DISP1: variants seen among roughly 807,000 people sequenced by gnomAD.
The protein encoded by DISP1 is dispatched RND transporter family member 1, also known as protein dispatched homolog 1.
A neutral mutation model predicts 37.3 loss-of-function variants in DISP1; 30 were observed. The observed-to-expected ratio is 0.80, with a 90% CI of 0.60 to 1.09. The LOEUF is 1.09. Ranked by LOEUF, DISP1 falls within the 50% of genes least tolerant of loss-of-function variation. The pLI is 0.00. For missense variants in DISP1, 1,598 were observed against 1,879.5 expected (o/e 0.85, Z 2.77); for synonymous variants, 634 against 690.2 (o/e 0.92, Z 1.28).
chr1:222,988,703 G>C (rs1439807240), intron 4 of DISP1, among the ~76,000 whole-genome samples: 1 of 143,150 alleles, frequency 7.0e-6, no homozygotes, highest in Non-Finnish European at 1.5e-5. Context: ...ACCCAGGCTG[G>C]AGTGCAGTGA....
At chr1:222,820,554 T>C (rs1047330836) in intron 1 of DISP1, among the ~76,000 whole-genome samples, 4 of 152,152 alleles carry the variant, frequency 2.6e-5, no homozygotes, top group African/African-American at 9.7e-5. Context: ...CCTTGGGGGA[T>C]AGAACATTAT....
chr1:222,851,471 C>T (rs538464939), intron 1 of DISP1, among the ~76,000 whole-genome samples: 2 of 152,172 alleles, frequency 1.3e-5, no homozygotes, highest in South Asian at 4.2e-4. Flanking sequence ...GATGTAGCGA[C>T]CCTTCCCTCC....
At chr1:222,959,279 C>T (rs1258241896) in intron 3 of DISP1, among the ~76,000 whole-genome samples, 1 of 152,038 alleles carries the variant, frequency 6.6e-6, no homozygotes, top group African/African-American at 2.4e-5. Flanking sequence ...TTTTATTGAA[C>T]CCTTACTATA....
chr1:222,850,748 C>T (rs534497152), intron 1 of DISP1, among the ~76,000 whole-genome samples: 1 of 152,278 alleles, frequency 6.6e-6, no homozygotes, highest in African/African-American at 2.4e-5. Context: ...CAGTTCCCTC[C>T]ATGTTCCCTC....
intron 8 of DISP1, among the ~76,000 whole-genome samples, chr1:222,997,146 A>T (rs867605448): frequency 2.0e-5 from 3 of 152,098 alleles, no homozygotes; most frequent in African/African-American, 7.2e-5. Flanking sequence ...ACAGAAAAGC[A>T]TATGCAAAGG....
intron 2 of DISP1, among the ~76,000 whole-genome samples, chr1:222,936,653 C>CATATATATGATA (rs1558339272): frequency 6.0e-4 from 20 of 33,516 alleles, no homozygotes; most frequent in African/African-American, 2.6e-3. Context: ...ATATATATAT[C>CATATATATGATA]TCTCATATAT....
chr1:222,868,818 T>G (rs1669350009), intron 1 of DISP1, among the ~76,000 whole-genome samples: 1 of 152,152 alleles, frequency 6.6e-6, no homozygotes, highest in Non-Finnish European at 1.5e-5. Context: ...GATCAAACTT[T>G]TCAATCGCCT....
intron 4 of DISP1, among the ~76,000 whole-genome samples, chr1:222,984,529 T>C (rs1450081117): frequency 6.7e-6 from 1 of 150,044 alleles, no homozygotes; most frequent in Non-Finnish European, 1.5e-5. Context: ...ATGTTATATA[T>C]AACAGGTTTA....
intron 1 of DISP1, among the ~76,000 whole-genome samples, chr1:222,883,779 T>C (rs1165840629): frequency 6.6e-6 from 1 of 152,236 alleles, no homozygotes. Flanking sequence ...TCTGGAAGTG[T>C]ACGCTGTGTA....
At chr1:222,936,484 C>G (rs1387946273) in intron 2 of DISP1, among the ~76,000 whole-genome samples, 1 of 148,614 alleles carries the variant, frequency 6.7e-6, no homozygotes, top group Non-Finnish European at 1.5e-5. Context: ...ATCATATGAA[C>G]TCTGATGACA....
chr1:223,001,868 T>A lies in DISP1; in HGVS notation c.988-517T>A, dbSNP rs537317751. ...CAAAGCAGTTCTCTAGGGAATATCA[T>A]CTTTGCTTCTAACTGTGTTGACTGA... is the stretch of plus-strand genomic sequence containing the variant. On this transcript the variant is annotated intron_variant, in intron 8 of 8. Coordinates refer to ENST00000675850, the MANE Select transcript of DISP1 (RefSeq NM_001377229.1). Among the ~76,000 whole-genome samples, 5 of 152,338 alleles carry A rather than the reference T, an allele frequency of 3.3e-5. No individual in the cohort carries two copies. In the South Asian group the frequency reaches 1.0e-3, roughly 32 times the overall value.
At chr1:222,851,551 G>A (rs1668234128) in intron 1 of DISP1, among the ~76,000 whole-genome samples, 1 of 152,142 alleles carries the variant, frequency 6.6e-6, no homozygotes, top group African/African-American at 2.4e-5. Context: ...ACAATAAAAA[G>A]TGTTACTCAG....
At position 222,939,355 on chromosome 1, in the gene DISP1, ATTTTTTTTTTT is replaced by A. The variant is rs35313341; in HGVS notation, c.-17-3435_-17-3425del. Reference sequence around the variant, plus strand: ...GTGATTCTGATTATGAAGAAAAATAATTTTTTTTTTTTTTTTTTTTTTTTTTTACTGAGGAT... The same window carrying A: ...GTGATTCTGATTATGAAGAAAAATAATTTTTTTTTTTTTTTTACTGAGGAT... On this transcript the variant is annotated intron_variant, in intron 2 of 8. Coordinates refer to ENST00000675850, the MANE Select transcript of DISP1 (RefSeq NM_001377229.1). Among the ~76,000 whole-genome samples the A allele has an allele frequency of 1.9e-3, 213 of 113,000 alleles. 4 individuals are homozygous for A. Among genetic ancestry groups the A allele is most frequent in the African/African-American group, 7.0e-3 (201 of 28,622 alleles). The allele number at this position is 113,000 out of a possible 152,430, so 74.1% of individuals were successfully genotyped here. A position where few individuals can be genotyped will look rare whatever the true frequency, so the allele number is the denominator to read the frequency against.
chr1:222,907,278 T>C (rs1671952470), intron 1 of DISP1, among the ~76,000 whole-genome samples: 1 of 152,190 alleles, frequency 6.6e-6, no homozygotes. Context: ...GAGCCCTAGG[T>C]CGTGAATGTC....
chr1:222,985,231 C>T (rs1013975409), intron 4 of DISP1, among the ~76,000 whole-genome samples: 1 of 152,206 alleles, frequency 6.6e-6, no homozygotes, highest in African/African-American at 2.4e-5. Context: ...ATTTCTTTTA[C>T]GTACATGTGC....
At chr1:222,827,265 C>T (rs1488542495) in intron 1 of DISP1, 1 of 152,054 alleles carries the variant, frequency 6.6e-6, no homozygotes, top group Non-Finnish European at 1.5e-5. Context: ...AATTTTTATT[C>T]TGTAAATGTA....
intron 1 of DISP1, among the ~76,000 whole-genome samples, chr1:222,888,812 A>G (rs1670783615): frequency 6.8e-6 from 1 of 146,776 alleles, no homozygotes; most frequent in Non-Finnish European, 1.5e-5. Context: ...TGGCTTTGTC[A>G]GTTGTGTGTG....
chr1:222,885,466 T>C (rs1320707099), intron 1 of DISP1, among the ~76,000 whole-genome samples: 3 of 150,548 alleles, frequency 2.0e-5, no homozygotes, highest in Middle Eastern at 3.2e-3. Flanking sequence ...CCTGATTTCT[T>C]TTCTTTTTTT....
intron 3 of DISP1, among the ~76,000 whole-genome samples, chr1:222,980,090 C>G (rs1010219338): frequency 2.6e-5 from 4 of 152,074 alleles, no homozygotes; most frequent in African/African-American, 4.8e-5. Flanking sequence ...GTATTGTAGT[C>G]AGTATATCCA....
Sources: gnomAD v4.1 joint callset for allele counts (sites outside exome capture counted in the v4.1 genomes callset) on GRCh38, gnomAD v4.1.1 for gene constraint, MANE v1.5 for transcripts, NCBI Gene and HGNC (gene_info 2026-07-23, HGNC 2026-07-21) for gene names.